BMAL2: variants seen among roughly 807,000 people sequenced by gnomAD.
BMAL2 encodes the protein basic helix-loop-helix ARNT like 2, also known as basic helix-loop-helix ARNT-like protein 2.
chr12:27,355,713 C>G, the BMAL2 span, among the ~76,000 whole-genome samples: 2 of 152,288 alleles, frequency 1.3e-5, no homozygotes, highest in African/African-American at 4.8e-5. Flanking sequence ...CAGCCGAGCT[C>G]TATGTCCTTG....
chr12:27,389,649 T>C, the BMAL2 span: 1 of 191,890 alleles, frequency 5.2e-6, no homozygotes. Context: ...AATTACTCTC[T>C]TTTTTATATG....
the BMAL2 span, among the ~76,000 whole-genome samples, chr12:27,381,344 A>G: frequency 1.3e-5 from 2 of 152,100 alleles, no homozygotes; most frequent in African/African-American, 4.8e-5. Flanking sequence ...TTATAATGAA[A>G]AGAAGTTTAA....
chr12:27,405,175 G>C, the BMAL2 span, among the ~76,000 whole-genome samples: 1 of 152,328 alleles, frequency 6.6e-6, no homozygotes, highest in African/African-American at 2.4e-5. Context: ...TCTGGGGGCA[G>C]GGCATAGCCA....
At chr12:27,393,072 A>G in the BMAL2 span, among the ~76,000 whole-genome samples, 10 of 152,142 alleles carry the variant, frequency 6.6e-5, no homozygotes, top group African/African-American at 1.7e-4. Flanking sequence ...CTTCTGACAT[A>G]AGTAAACTTA....
chr12:27,337,167 CAAA>C, the BMAL2 span, among the ~76,000 whole-genome samples: 4 of 151,826 alleles, frequency 2.6e-5, no homozygotes, highest in Non-Finnish European at 2.9e-5. Context: ...AGATTAAAAA[CAAA>C]GAAGTCTAAA....
the BMAL2 span, among the ~76,000 whole-genome samples, chr12:27,416,275 A>T: frequency 2.9e-3 from 435 of 152,318 alleles, 1 homozygote; most frequent in African/African-American, 9.8e-3. Context: ...GAGCTTAAAT[A>T]CATAAACAAA....
the BMAL2 span, among the ~76,000 whole-genome samples, chr12:27,412,270 C>T: frequency 2.0e-5 from 3 of 152,072 alleles, no homozygotes; most frequent in African/African-American, 7.3e-5. Context: ...TAAGGAGGCA[C>T]CTTAGGTAAT....
the BMAL2 span, among the ~76,000 whole-genome samples, chr12:27,378,232 A>G: frequency 5.3e-5 from 8 of 152,188 alleles, no homozygotes; most frequent in Non-Finnish European, 1.2e-4. Context: ...TCTTCCTGTC[A>G]ATTGGCAGCA....
At chr12:27,352,554 C>T in the BMAL2 span, among the ~76,000 whole-genome samples, 1 of 100,650 alleles carries the variant, frequency 9.9e-6, no homozygotes, top group Admixed American at 1.2e-4. Flanking sequence ...TAAACCACTC[C>T]TACTCAACAT....
the BMAL2 span, among the ~76,000 whole-genome samples, chr12:27,405,069 C>T: frequency 7.9e-5 from 12 of 152,142 alleles, no homozygotes; most frequent in African/African-American, 2.4e-4. Flanking sequence ...CCACCATTGC[C>T]GAGGCTTGAG....
the BMAL2 span, chr12:27,390,039 A>C: frequency 6.3e-7 from 1 of 1,585,188 alleles, no homozygotes; most frequent in East Asian, 2.2e-5. Flanking sequence ...GATAAATTTC[A>C]AAATTATTTG....
At chr12:27,389,429 A>G in the BMAL2 span, 1 of 604,418 alleles carries the variant, frequency 1.7e-6, no homozygotes, top group East Asian at 2.9e-5. Context: ...ACTTTACATC[A>G]TACTTAATAA....
chr12:27,379,050 A>T, the BMAL2 span, among the ~76,000 whole-genome samples: 1 of 152,152 alleles, frequency 6.6e-6, no homozygotes, highest in Non-Finnish European at 1.5e-5. Flanking sequence ...AAAAAATCTC[A>T]TAATGTTTTT....
At chr12:27,390,500 G>A in the BMAL2 span, 1 of 320,880 alleles carries the variant, frequency 3.1e-6, no homozygotes, top group Non-Finnish European at 5.7e-6. Context: ...CTATCAAGTG[G>A]GAAAAAAATG....
the BMAL2 span, chr12:27,401,170 T>C: frequency 3.3e-4 from 355 of 1,068,022 alleles, 1 homozygote; most frequent in Middle Eastern, 6.0e-4. Context: ...TGCACTTCTT[T>C]ACGATCCTGA....
the BMAL2 span, among the ~76,000 whole-genome samples, chr12:27,374,353 A>G: frequency 6.6e-6 from 1 of 152,204 alleles, no homozygotes; most frequent in Non-Finnish European, 1.5e-5. Flanking sequence ...TATAACAACA[A>G]TTTACATAGC....
At chr12:27,378,465 G>A in the BMAL2 span, among the ~76,000 whole-genome samples, 2 of 152,226 alleles carry the variant, frequency 1.3e-5, no homozygotes, top group East Asian at 3.8e-4. Flanking sequence ...GACTTTGTAA[G>A]CCTGGTAAAG....
chr12:27,357,756 G>C, the BMAL2 span, among the ~76,000 whole-genome samples: 3 of 152,050 alleles, frequency 2.0e-5, no homozygotes, highest in Admixed American at 2.0e-4. Context: ...AAAACATAAA[G>C]TGGGGAAAGG....
the BMAL2 span, among the ~76,000 whole-genome samples, chr12:27,392,548 C>T: frequency 1.5e-5 from 2 of 131,938 alleles, no homozygotes; most frequent in African/African-American, 5.8e-5. Flanking sequence ...TCCAAGGAGT[C>T]AGAATGTGGT....
Sources: allele counts gnomAD v4.1 joint callset (sites outside exome capture counted in the v4.1 genomes callset), GRCh38; gene constraint gnomAD v4.1.1; transcripts MANE v1.5; gene names NCBI Gene and HGNC (gene_info 2026-07-23, HGNC 2026-07-21).